The following ACYP2 variants were observed in gnomAD, a reference collection of about 807,000 sequenced individuals.
ACYP2 encodes acylphosphatase 2.
ACYP2 carries 12 observed loss-of-function variants against 11.2 expected under a neutral mutation model. The observed-to-expected ratio is 1.08, with a 90% CI of 0.69 to 1.74. The LOEUF (loss-of-function observed/expected upper bound fraction) is 1.74. Ranked by LOEUF, ACYP2 falls within the 40% of genes most tolerant of loss-of-function variation. The probability of loss-of-function intolerance (pLI) is 0.00; values close to 1 mark genes in which losing one functional copy is unlikely to be tolerated. For missense variants in ACYP2, 134 were observed against 101.9 expected (o/e 1.31, Z -1.35); for synonymous variants, 43 against 32.2 (o/e 1.33, Z -1.13).
intron 4 of ACYP2, among the ~76,000 whole-genome samples, chr2:54,094,351 C>T (rs1171671743): frequency 1.3e-5 from 2 of 151,782 alleles, no homozygotes; most frequent in East Asian, 3.9e-4. Flanking sequence ...CCTCAGCCTA[C>T]CAAATAGCTT....
chr2:53,978,663 A>G (rs1279456313), intron 2 of ACYP2, among the ~76,000 whole-genome samples: 2 of 152,248 alleles, frequency 1.3e-5, no homozygotes, highest in African/African-American at 2.4e-5. Flanking sequence ...AGGTGGGCAG[A>G]TGGCTTGAGC....
intron 6 of ACYP2, among the ~76,000 whole-genome samples, chr2:54,153,064 C>T (rs993235483): frequency 9.2e-5 from 14 of 151,928 alleles, no homozygotes; most frequent in African/African-American, 3.4e-4. Context: ...ACAGTTTTCC[C>T]CCTATGTTTT....
At chr2:54,210,133 CTG>C (rs1383428063) in intron 6 of ACYP2, among the ~76,000 whole-genome samples, 1 of 106,998 alleles carries the variant, frequency 9.3e-6, no homozygotes, top group East Asian at 2.7e-4. Flanking sequence ...AAGAATGAGA[CTG>C]TGTCTCAAAA....
At chr2:54,171,082 G>T (rs2103849653) in intron 6 of ACYP2, among the ~76,000 whole-genome samples, 1 of 152,178 alleles carries the variant, frequency 6.6e-6, no homozygotes, top group East Asian at 1.9e-4. Context: ...ACAGATCCTG[G>T]GCCGGGATCT....
At chr2:54,251,036 ATATGGATTT>A (rs1687200664) in intron 6 of ACYP2, among the ~76,000 whole-genome samples, 1 of 152,248 alleles carries the variant, frequency 6.6e-6, no homozygotes, top group Non-Finnish European at 1.5e-5. Flanking sequence ...CATAAAAAAT[ATATGGATTT>A]GATGATCTAT....
chr2:54,255,496 G>C (rs1687458304), intron 6 of ACYP2: 1 of 1,614,022 alleles, frequency 6.2e-7, no homozygotes. Flanking sequence ...CGCCCTGTCA[G>C]CCTCTGCATT....
chr2:54,115,474 G>A (rs1256565717), intron 4 of ACYP2, 141 bp from the exon 1 acceptor site: 2 of 1,233,844 alleles, frequency 1.6e-6, no homozygotes, highest in Non-Finnish European at 2.2e-6. Flanking sequence ...GATGCCTGGG[G>A]CCCAGCGGCC....
chr2:54,108,798 CT>C (rs1412500370), intron 4 of ACYP2, among the ~76,000 whole-genome samples: 2 of 152,128 alleles, frequency 1.3e-5, no homozygotes, highest in East Asian at 3.9e-4. Context: ...TTAACTTTAC[CT>C]TTTTCTCACT....
At chr2:54,026,594 A>G (rs1674300574) in intron 2 of ACYP2, among the ~76,000 whole-genome samples, 1 of 152,200 alleles carries the variant, frequency 6.6e-6, no homozygotes, top group Non-Finnish European at 1.5e-5. Flanking sequence ...TTATATGAAA[A>G]AGACACTTGC....
At chr2:54,183,906 C>T (rs1683859695) in intron 6 of ACYP2, among the ~76,000 whole-genome samples, 2 of 152,112 alleles carry the variant, frequency 1.3e-5, no homozygotes. Context: ...ATTGGTATCA[C>T]ACTTGGAGCA....
intron 6 of ACYP2, among the ~76,000 whole-genome samples, chr2:54,232,198 C>G (rs1164358993): frequency 6.6e-6 from 1 of 152,186 alleles, no homozygotes; most frequent in Admixed American, 6.5e-5. Context: ...ATTCTTTTCA[C>G]TCTGTCTTCC....
chr2:54,190,888 G>A (rs768415304), intron 6 of ACYP2, among the ~76,000 whole-genome samples: 1 of 152,028 alleles, frequency 6.6e-6, no homozygotes, highest in Non-Finnish European at 1.5e-5. Flanking sequence ...CTCCCTATAT[G>A]AGCAAATGCC....
At chr2:53,981,305 T>G (rs1671753807) in intron 2 of ACYP2, among the ~76,000 whole-genome samples, 1 of 152,164 alleles carries the variant, frequency 6.6e-6, no homozygotes, top group Non-Finnish European at 1.5e-5. Flanking sequence ...AAGCAGAGAT[T>G]TATTGAAAAT....
At chr2:53,980,857 A>G (rs972415193) in intron 2 of ACYP2, among the ~76,000 whole-genome samples, 1 of 151,702 alleles carries the variant, frequency 6.6e-6, no homozygotes. Flanking sequence ...GGCTCAGGTG[A>G]TCCTCCCACC....
intron 4 of ACYP2, among the ~76,000 whole-genome samples, chr2:54,079,641 G>T (rs17189638): frequency 0.045 from 6,799 of 152,290 alleles, 211 homozygotes; most frequent in Admixed American, 0.069. Context: ...TGATGACATT[G>T]TTGAGTCCAT....
intron 4 of ACYP2, among the ~76,000 whole-genome samples, chr2:54,129,301 T>A (rs916084669): frequency 2.0e-5 from 3 of 152,112 alleles, no homozygotes; most frequent in Non-Finnish European, 2.9e-5. Flanking sequence ...TAATTAAAAT[T>A]TTTATTTTTC....
At chr2:54,243,551 G>C (rs1368301692) in intron 6 of ACYP2, among the ~76,000 whole-genome samples, 1 of 152,016 alleles carries the variant, frequency 6.6e-6, no homozygotes, top group African/African-American at 2.4e-5. Flanking sequence ...CTGGAGTGTA[G>C]TGGCGCAATC....
At chr2:54,247,784 T>C (rs778937520) in intron 6 of ACYP2, among the ~76,000 whole-genome samples, 2 of 152,244 alleles carry the variant, frequency 1.3e-5, no homozygotes, top group Non-Finnish European at 1.5e-5. Flanking sequence ...TCTGTCCATA[T>C]GTAGTTATCA....
At chr2:54,275,516 C>G (rs949826875) in intron 6 of ACYP2, among the ~76,000 whole-genome samples, 1 of 152,264 alleles carries the variant, frequency 6.6e-6, no homozygotes, top group Middle Eastern at 3.4e-3. Context: ...GGAGAGAAAA[C>G]ATTTCTTTAG....
Sources: gnomAD v4.1 joint callset for allele counts (sites outside exome capture counted in the v4.1 genomes callset) on GRCh38, gnomAD v4.1.1 for gene constraint, MANE v1.5 for transcripts, NCBI Gene and HGNC (gene_info 2026-07-23, HGNC 2026-07-21) for gene names.